The following LRRC8D variants were observed in gnomAD, a reference collection of about 807,000 sequenced individuals.
LRRC8D encodes the protein volume-regulated anion channel subunit LRRC8D.
LRRC8D carries 20 observed loss-of-function variants against 55.8 expected under a neutral mutation model. That is an observed-to-expected ratio of 0.36 (90% CI 0.25 to 0.52). The LOEUF (loss-of-function observed/expected upper bound fraction) is 0.52. LRRC8D is among the 20% of genes least tolerant of loss of function. The pLI is 0.93. For synonymous variants in LRRC8D, 352 were observed against 377.0 expected (o/e 0.93, Z 0.77); for missense variants, 651 against 1,030.8 (o/e 0.63, Z 5.05).
At chr1:89,831,344 T>A (rs1444224085) in intron 1 of LRRC8D, among the ~76,000 whole-genome samples, 1 of 152,312 alleles carries the variant, frequency 6.6e-6, no homozygotes, top group East Asian at 1.9e-4. Flanking sequence ...TTTCTGACCT[T>A]TAAATGTGGT....
intron 2 of LRRC8D, among the ~76,000 whole-genome samples, chr1:89,849,956 C>G (rs764261946): frequency 5.0e-4 from 76 of 152,136 alleles, no homozygotes; most frequent in Non-Finnish European, 1.0e-3. Context: ...AAGAAATCCT[C>G]CCCTATTCTG....
chr1:89,909,800 A>G (rs1663087225), intron 2 of LRRC8D, among the ~76,000 whole-genome samples: 1 of 150,346 alleles, frequency 6.7e-6, no homozygotes, highest in Admixed American at 6.7e-5. Context: ...CAGGAGGCGG[A>G]GCTTGCAGTG....
At chr1:89,872,911 T>G (rs1662057246) in intron 2 of LRRC8D, among the ~76,000 whole-genome samples, 1 of 152,240 alleles carries the variant, frequency 6.6e-6, no homozygotes, top group Admixed American at 6.5e-5. Flanking sequence ...ATGTTTAGGA[T>G]AGGATTAATG....
At chr1:89,879,235 GTTC>G (rs1316202375) in intron 2 of LRRC8D, among the ~76,000 whole-genome samples, 1 of 152,194 alleles carries the variant, frequency 6.6e-6, no homozygotes. Context: ...TTCAATGTCT[GTTC>G]TTCTCCTTTT....
intron 2 of LRRC8D, 121 bp from the exon 3 acceptor site, chr1:89,932,946 T>G (rs1663748516): frequency 1.3e-6 from 1 of 759,942 alleles, no homozygotes; most frequent in Non-Finnish European, 2.1e-6. Context: ...TACATTTATA[T>G]TGGATAAAAA....
Position 89,934,265 on chromosome 1 carries a change from A to G in LRRC8D, c.1197A>G (p.Lys399=). Residue 399 remains lysine (K), a synonymous_variant, in exon 3 of 3, where the codon AAA becomes AAG. Coordinates refer to ENST00000337338, the MANE Select transcript of LRRC8D (RefSeq NM_001134479.2). This position sits in a 1 kb window ranked among gnomAD's most constrained non-coding sequence, Gnocchi z 5.9. ...CTTTGAAGGAATATTCTTTCGAAAA[A>G]GTCAGAGAAGAGAGCAGTTTTAGTG... ...RIPLKEYSFE[K]VREESSFSDI... 1 of 1,614,226 alleles carries G rather than the reference A, an allele frequency of 6.2e-7. No individual in the cohort carries two copies. The highest frequency in any genetic ancestry group is 8.5e-7 in the Non-Finnish European group (1 of 1,180,036).
chr1:89,928,465 A>T (rs1663622060), intron 2 of LRRC8D, among the ~76,000 whole-genome samples: 1 of 152,208 alleles, frequency 6.6e-6, no homozygotes, highest in Non-Finnish European at 1.5e-5. Context: ...AATAGAAAGA[A>T]AAAAGAAAAA....
intron 1 of LRRC8D, among the ~76,000 whole-genome samples, chr1:89,828,735 A>G (rs1027991932): frequency 6.6e-6 from 1 of 152,152 alleles, no homozygotes; most frequent in Non-Finnish European, 1.5e-5. Context: ...GTTAGGTTCC[A>G]TTACAAGCAT....
At chr1:89,860,414 C>T (rs1474926848) in intron 2 of LRRC8D, among the ~76,000 whole-genome samples, 2 of 152,026 alleles carry the variant, frequency 1.3e-5, no homozygotes, top group Admixed American at 1.3e-4. Flanking sequence ...CATCTTTCTC[C>T]TTAGTAAGTT....
At chr1:89,859,348 A>G (rs1391987769) in intron 2 of LRRC8D, among the ~76,000 whole-genome samples, 1 of 152,012 alleles carries the variant, frequency 6.6e-6, no homozygotes, top group Admixed American at 6.6e-5. Flanking sequence ...AGGAGTTGTT[A>G]CTATCTTAAC....
intron 2 of LRRC8D, among the ~76,000 whole-genome samples, chr1:89,886,255 T>C (rs1164355994): frequency 6.6e-6 from 1 of 152,198 alleles, no homozygotes. Flanking sequence ...GAGACTCTTC[T>C]CAAGTCTCAA....
intron 2 of LRRC8D, among the ~76,000 whole-genome samples, chr1:89,852,930 A>T (rs1661457543): frequency 6.6e-6 from 1 of 152,234 alleles, no homozygotes; most frequent in Non-Finnish European, 1.5e-5. Flanking sequence ...GTCTAGGGCC[A>T]TGCATTTCAT....
chr1:89,845,875 G>T (rs565064680), intron 2 of LRRC8D, among the ~76,000 whole-genome samples: 1 of 151,960 alleles, frequency 6.6e-6, no homozygotes, highest in Non-Finnish European at 1.5e-5. Flanking sequence ...TCCGTCTCCC[G>T]GGTTCAAGCG....
intron 1 of LRRC8D, among the ~76,000 whole-genome samples, chr1:89,829,685 A>G (rs1048673190): frequency 6.6e-6 from 1 of 152,222 alleles, no homozygotes; most frequent in East Asian, 1.9e-4. Context: ...GTAGAGCCAT[A>G]GCGGCATCCC....
At chr1:89,890,347 A>G (rs1297148323) in intron 2 of LRRC8D, among the ~76,000 whole-genome samples, 1 of 152,186 alleles carries the variant, frequency 6.6e-6, no homozygotes, top group East Asian at 1.9e-4. Flanking sequence ...AACAGGTTCA[A>G]CTTTGTCCTG....
chr1:89,907,575 TA>T (rs1663029766), intron 2 of LRRC8D, among the ~76,000 whole-genome samples: 1 of 152,212 alleles, frequency 6.6e-6, no homozygotes, highest in African/African-American at 2.4e-5. Context: ...ACAACCTTTC[TA>T]AGCCTCATTT....
chr1:89,924,138 A>G (rs1024583616), intron 2 of LRRC8D, among the ~76,000 whole-genome samples: 1 of 152,222 alleles, frequency 6.6e-6, no homozygotes, highest in African/African-American at 2.4e-5. Context: ...CAGTAAACAG[A>G]CAGCATACAG....
intron 1 of LRRC8D, among the ~76,000 whole-genome samples, chr1:89,829,115 C>A (rs1400475537): frequency 6.6e-6 from 1 of 152,088 alleles, no homozygotes. Flanking sequence ...AAAAATGGTC[C>A]CCATGGTGCT....
chr1:89,874,283 T>A (rs924773019), intron 2 of LRRC8D, among the ~76,000 whole-genome samples: 21 of 152,356 alleles, frequency 1.4e-4, no homozygotes, highest in Non-Finnish European at 2.8e-4. Flanking sequence ...ACTAGAGTTT[T>A]AGCTGTGGTG....
Sources: gnomAD v4.1 joint callset for allele counts (sites outside exome capture counted in the v4.1 genomes callset) on GRCh38, gnomAD v4.1.1 for gene constraint, Gnocchi (gnomAD v3.1) non-coding constraint, MANE v1.5 for transcripts, NCBI Gene and HGNC (gene_info 2026-07-23, HGNC 2026-07-21) for gene names.